CHRM3: variants seen among roughly 807,000 people sequenced by gnomAD.
CHRM3 encodes cholinergic receptor muscarinic 3.
A neutral mutation model predicts 41.8 loss-of-function variants in CHRM3; 11 were observed. The ratio of observed to expected loss-of-function variants is 0.26; its 90% CI spans 0.17 to 0.44. CHRM3 has a LOEUF of 0.44. Among genes scored for constraint, CHRM3 ranks in the 20% least tolerant of loss-of-function variants. The pLI, the probability that CHRM3 is intolerant of heterozygous loss-of-function variation, is 1.00. For synonymous variants in CHRM3, 297 were observed against 301.4 expected, an observed-to-expected ratio of 0.99 and a Z score of 0.15; for missense variants, 571 against 745.4, an observed-to-expected ratio of 0.77 and a Z score of 2.72.
intron 3 of CHRM3, among the ~76,000 whole-genome samples, chr1:239,590,976 T>C (rs1454515300): frequency 3.9e-5 from 6 of 152,158 alleles, no homozygotes; most frequent in African/African-American, 1.4e-4. Flanking sequence ...TAGATCTCAG[T>C]TGGCATTCAT....
At chr1:239,608,154 T>C (rs7529084) in intron 3 of CHRM3, among the ~76,000 whole-genome samples, 53,715 of 152,126 alleles carry the variant, frequency 0.35, 9,675 homozygotes, top group East Asian at 0.52. Context: ...CAATGTTAAA[T>C]ATAATTTTTG....
At chr1:239,639,061 A>T (rs2148907475) in intron 4 of CHRM3, among the ~76,000 whole-genome samples, 1 of 152,060 alleles carries the variant, frequency 6.6e-6, no homozygotes, top group Non-Finnish European at 1.5e-5. Context: ...TTTGTCAAAG[A>T]TCAGATAGTT....
chr1:239,478,237 A>G (rs968107897), intron 1 of CHRM3, among the ~76,000 whole-genome samples: 2 of 152,208 alleles, frequency 1.3e-5, no homozygotes, highest in Admixed American at 1.3e-4. Flanking sequence ...ATAGAGCTCA[A>G]ATTTAGGTAA....
intron 1 of CHRM3, among the ~76,000 whole-genome samples, chr1:239,392,368 A>T (rs1432030274): frequency 6.6e-6 from 1 of 152,198 alleles, no homozygotes; most frequent in South Asian, 2.1e-4. Flanking sequence ...TATCCACTAC[A>T]GAATTAATCC....
chr1:239,666,090 C>T (rs1348402086), intron 4 of CHRM3, among the ~76,000 whole-genome samples: 1 of 152,132 alleles, frequency 6.6e-6, no homozygotes, highest in Non-Finnish European at 1.5e-5. Context: ...TGAGGAATCA[C>T]CACACTGTCT....
At chr1:239,768,841 T>C (rs1052006581) in intron 5 of CHRM3, among the ~76,000 whole-genome samples, 2 of 151,942 alleles carry the variant, frequency 1.3e-5, no homozygotes, top group Non-Finnish European at 2.9e-5. Context: ...CTCAGCTCAC[T>C]GCAACCTCCA....
At chr1:239,746,941 A>G (rs1435761312) in intron 5 of CHRM3, among the ~76,000 whole-genome samples, 1 of 151,906 alleles carries the variant, frequency 6.6e-6, no homozygotes, top group African/African-American at 2.4e-5. Context: ...TATTTTTAGT[A>G]GAGACGGGGT....
rs1006815760 is a variant in CHRM3, at chr1:239,738,165, T to C, written c.-147+59877T>C. Among the ~76,000 whole-genome samples the C allele has an allele frequency of 2.0e-5, 3 of 152,202 alleles. No individual in the cohort carries two copies. The East Asian group carries it at 5.8e-4, about 29-fold the overall frequency. ...ACTATGGCAGGTTTGCAGTGAAACA[T>C]CAATATGACTAAATTTTCTCTAATG... On this transcript the variant is annotated intron_variant, in intron 5 of 6. Transcript: ENST00000676153.
At chr1:239,712,255 T>C (rs1558477675) in intron 5 of CHRM3, among the ~76,000 whole-genome samples, 1 of 152,210 alleles carries the variant, frequency 6.6e-6, no homozygotes, top group African/African-American at 2.4e-5. Context: ...TTAGGAGTCT[T>C]CTATTTTAGT....
intron 3 of CHRM3, among the ~76,000 whole-genome samples, chr1:239,581,653 T>C (rs1006565726): frequency 1.3e-5 from 2 of 152,198 alleles, no homozygotes; most frequent in African/African-American, 2.4e-5. Flanking sequence ...GCCAACACTA[T>C]GCTAATATCT....
At chr1:239,807,333 G>A (rs184412955) in intron 5 of CHRM3, among the ~76,000 whole-genome samples, 1 of 152,252 alleles carries the variant, frequency 6.6e-6, no homozygotes, top group African/African-American at 2.4e-5. Context: ...CAAGAATAAT[G>A]TTTACAGATT....
intron 5 of CHRM3, among the ~76,000 whole-genome samples, chr1:239,776,956 T>A (rs2148771732): frequency 6.6e-6 from 1 of 152,278 alleles, no homozygotes; most frequent in Admixed American, 6.5e-5. Flanking sequence ...TTGAGTTACC[T>A]CCTACCAGGT....
intron 5 of CHRM3, among the ~76,000 whole-genome samples, chr1:239,754,437 T>C (rs1246406086): frequency 6.6e-6 from 1 of 152,176 alleles, no homozygotes; most frequent in Non-Finnish European, 1.5e-5. Flanking sequence ...GGCAGTACCA[T>C]CCTTCCAGGA....
chr1:239,571,869 C>G (rs1420834603), intron 3 of CHRM3, among the ~76,000 whole-genome samples: 1 of 152,072 alleles, frequency 6.6e-6, no homozygotes, highest in Admixed American at 6.6e-5. Context: ...CTTTTTTCCC[C>G]CTAGAGTTCA....
At chr1:239,868,693 C>T (rs1676324003) in intron 6 of CHRM3, among the ~76,000 whole-genome samples, 1 of 152,168 alleles carries the variant, frequency 6.6e-6, no homozygotes. Context: ...GCTTCTCTCC[C>T]ACTACATTCA....
chr1:239,867,138 CA>C (rs1676179541), intron 6 of CHRM3, among the ~76,000 whole-genome samples: 1 of 152,140 alleles, frequency 6.6e-6, no homozygotes, highest in Admixed American at 6.5e-5. Flanking sequence ...AAGCCTCAAG[CA>C]GACATCCATA....
intron 3 of CHRM3, among the ~76,000 whole-genome samples, chr1:239,620,658 C>G (rs1668255279): frequency 6.6e-6 from 1 of 151,696 alleles, no homozygotes; most frequent in Admixed American, 6.6e-5. Context: ...GAATATAGAA[C>G]TAAAAATGGA....
chr1:239,760,075 C>G (rs541496015), intron 5 of CHRM3, among the ~76,000 whole-genome samples: 1 of 118,934 alleles, frequency 8.4e-6, no homozygotes, highest in African/African-American at 3.1e-5. Flanking sequence ...CCACCACACC[C>G]GGCTAATTTT....
intron 5 of CHRM3, among the ~76,000 whole-genome samples, chr1:239,695,989 G>A (rs1660147445): frequency 6.6e-6 from 1 of 152,136 alleles, no homozygotes; most frequent in Admixed American, 6.5e-5. Flanking sequence ...TTATCTCTGT[G>A]TTAAACATCA....
Sources: gnomAD v4.1 joint callset for allele counts (sites outside exome capture counted in the v4.1 genomes callset) on GRCh38, gnomAD v4.1.1 for gene constraint, MANE v1.5 for transcripts, NCBI Gene and HGNC (gene_info 2026-07-23, HGNC 2026-07-21) for gene names.